The following DHRSX variants were observed in gnomAD, a reference collection of about 807,000 sequenced individuals.
The protein encoded by DHRSX is dehydrogenase/reductase X-linked, also known as polyprenol dehydrogenase.
Under a neutral mutation model 34.0 loss-of-function variants are expected in DHRSX, and 31 were observed. The observed-to-expected ratio is 0.91, with a 90% CI of 0.69 to 1.23. The LOEUF (loss-of-function observed/expected upper bound fraction) is 1.23. DHRSX is among the 50% of genes most tolerant of loss of function. DHRSX has a pLI of 0.00. For missense variants in DHRSX, 414 were observed against 428.1 expected (o/e 0.97, Z 0.29); for synonymous variants, 201 against 183.8 (o/e 1.09, Z -0.76).
chrX:2,442,955 TTG>T (rs2044081390), intron 1 of DHRSX, among the ~76,000 whole-genome samples: 1 of 152,120 alleles, frequency 6.6e-6, no homozygotes, highest in African/African-American at 2.4e-5. Context: ...AGACAATGAC[TTG>T]TGTGTGTGTC....
intron 3 of DHRSX, among the ~76,000 whole-genome samples, chrX:2,305,694 C>T (rs2042089495): frequency 6.6e-6 from 1 of 152,028 alleles, no homozygotes; most frequent in Non-Finnish European, 1.5e-5. Context: ...TTTGCAGGGA[C>T]ACGGATGAAT....
chrX:2,492,286 A>G (rs1212229589), intron 1 of DHRSX, among the ~76,000 whole-genome samples: 6 of 151,750 alleles, frequency 4.0e-5, no homozygotes, highest in African/African-American at 1.4e-4. Flanking sequence ...TGTCCTTAAT[A>G]GAAGACAGAT....
intron 6 of DHRSX, among the ~76,000 whole-genome samples, chrX:2,235,259 T>C (rs1040824878): frequency 6.6e-5 from 10 of 152,090 alleles, no homozygotes; most frequent in South Asian, 2.1e-4. Flanking sequence ...AGAGGGTGGA[T>C]TGACGATGAG....
intron 6 of DHRSX, among the ~76,000 whole-genome samples, chrX:2,230,127 G>T (rs764777644): frequency 6.6e-6 from 1 of 152,206 alleles, no homozygotes; most frequent in Non-Finnish European, 1.5e-5. Flanking sequence ...ATTTATGCAC[G>T]TGAGCATGTG....
At chrX:2,483,876 G>A (rs4421519) in intron 1 of DHRSX, among the ~76,000 whole-genome samples, 46,240 of 151,046 alleles carry the variant, frequency 0.31, 7,990 homozygotes, top group African/African-American at 0.47. Flanking sequence ...GTTTACATTC[G>A]TACATTTTTT....
At position 2,438,692 on chromosome X, in the gene DHRSX, G is replaced by A. The variant is rs193006686; in HGVS notation, c.110-13388C>T. Among the ~76,000 whole-genome samples the A allele has an allele frequency of 3.6e-3, 526 of 146,768 alleles. 3 individuals are homozygous for A. Among genetic ancestry groups the A allele is most frequent in the African/African-American group, 0.012 (498 of 39,876 alleles). On this transcript the variant is annotated intron_variant, in intron 1 of 6. Transcript: ENST00000334651. ...CAAAATAAAAAAAAAAAAAATGGTC[G>A]TTCATTTCAGGAACAGAATGATCTA...
At chrX:2,364,024 C>A (rs1298167284) in intron 3 of DHRSX, among the ~76,000 whole-genome samples, 1 of 152,002 alleles carries the variant, frequency 6.6e-6, no homozygotes, top group African/African-American at 2.4e-5. Flanking sequence ...CACAGCACAG[C>A]CATGTTTGGA....
chrX:2,330,705 C>T (rs986098087), intron 3 of DHRSX, among the ~76,000 whole-genome samples: 18 of 130,272 alleles, frequency 1.4e-4, no homozygotes, highest in African/African-American at 5.3e-4. Context: ...AGATGAGGGG[C>T]AGGAGAAGGA....
intron 6 of DHRSX, among the ~76,000 whole-genome samples, chrX:2,226,547 C>T (rs910497195): frequency 2.2e-4 from 33 of 152,128 alleles, no homozygotes; most frequent in Admixed American, 4.6e-4. Flanking sequence ...ACGCCTGTCA[C>T]CCCAGCACTT....
chrX:2,364,444 G>A (rs940105241), intron 3 of DHRSX, among the ~76,000 whole-genome samples: 8 of 152,100 alleles, frequency 5.3e-5, no homozygotes, highest in African/African-American at 1.9e-4. Context: ...GCCTTAGCAT[G>A]ACAGATTGTA....
At chrX:2,268,559 G>A (rs1366928354) in intron 4 of DHRSX, among the ~76,000 whole-genome samples, 8 of 152,180 alleles carry the variant, frequency 5.3e-5, no homozygotes, top group African/African-American at 9.7e-5. Context: ...ATGTACATAT[G>A]TGTTCACGTC....
chrX:2,346,538 G>C (rs978428516), intron 3 of DHRSX, among the ~76,000 whole-genome samples: 1 of 151,992 alleles, frequency 6.6e-6, no homozygotes, highest in Non-Finnish European at 1.5e-5. Flanking sequence ...GCAGCCTTTG[G>C]AAAGCCTCCC....
intron 3 of DHRSX, among the ~76,000 whole-genome samples, chrX:2,342,553 T>C (rs903130277): frequency 6.6e-6 from 1 of 152,130 alleles, no homozygotes; most frequent in Non-Finnish European, 1.5e-5. Flanking sequence ...TAGCCCACCA[T>C]GTCAACCCCG....
At chrX:2,259,375 GATATATATATAGATATATAGATAT>G (rs1297724554) in intron 5 of DHRSX, among the ~76,000 whole-genome samples, 3,850 of 133,778 alleles carry the variant, frequency 0.029, 172 homozygotes, top group African/African-American at 0.083. Flanking sequence ...GATATATATA[GATATATATATAGATATATAGATAT>G]ATATATAGAT....
intron 1 of DHRSX, among the ~76,000 whole-genome samples, chrX:2,475,734 T>G (rs750877678): frequency 1.3e-5 from 2 of 152,294 alleles, no homozygotes; most frequent in South Asian, 4.1e-4. Context: ...TCCCTAAGAA[T>G]GTGGCCAAGG....
At chrX:2,336,604 GT>G (rs111267342) in intron 3 of DHRSX, among the ~76,000 whole-genome samples, 4,533 of 143,368 alleles carry the variant, frequency 0.032, 241 homozygotes, top group African/African-American at 0.11. Flanking sequence ...TTTTTGTTTT[GT>G]TTTTTTTTTT....
chrX:2,314,558 A>G (rs2042219741), intron 3 of DHRSX, among the ~76,000 whole-genome samples: 1 of 148,784 alleles, frequency 6.7e-6, no homozygotes, highest in African/African-American at 2.5e-5. Context: ...TTTTCCCACA[A>G]GAGACTTCTC....
intron 1 of DHRSX, among the ~76,000 whole-genome samples, chrX:2,443,922 C>T (rs907531554): frequency 1.9e-4 from 28 of 150,698 alleles, no homozygotes; most frequent in Non-Finnish European, 2.9e-4. Context: ...AGGAGAATGG[C>T]GTGAACCCGG....
chrX:2,323,680 G>A (rs1377625912), intron 3 of DHRSX, among the ~76,000 whole-genome samples: 2 of 152,106 alleles, frequency 1.3e-5, no homozygotes, highest in East Asian at 1.9e-4. Context: ...GTGGTGGGAA[G>A]ATCACTCGAG....
Sources: gnomAD v4.1 joint callset for allele counts (sites outside exome capture counted in the v4.1 genomes callset) on GRCh38, gnomAD v4.1.1 for gene constraint, MANE v1.5 for transcripts, NCBI Gene and HGNC (gene_info 2026-07-23, HGNC 2026-07-21) for gene names.